Variants in MFSD8 observed in about 807,000 individuals in gnomAD.
MFSD8 encodes major facilitator superfamily domain containing 8, also known as major facilitator superfamily domain-containing protein 8.
In MFSD8, 55 loss-of-function variants were observed where a neutral mutation model predicts 66.4. The ratio of observed to expected loss-of-function variants is 0.83; its 90% CI spans 0.67 to 1.04. The LOEUF (loss-of-function observed/expected upper bound fraction) is 1.04. Among genes scored for constraint, MFSD8 ranks in the 50% least tolerant of loss-of-function variants. The probability of loss-of-function intolerance (pLI) is 0.00; values close to 1 mark genes in which losing one functional copy is unlikely to be tolerated. For missense variants in MFSD8, 550 were observed against 627.6 expected (o/e 0.88, Z 1.32); for synonymous variants, 202 against 212.8 (o/e 0.95, Z 0.44).
chr4:127,952,502 A>G (rs1742161197), intron 2 of MFSD8, among the ~76,000 whole-genome samples: 1 of 152,200 alleles, frequency 6.6e-6, no homozygotes, highest in Admixed American at 6.6e-5. Flanking sequence ...TGAAAGCACC[A>G]ATTAATCTTT....
intron 1 of MFSD8, among the ~76,000 whole-genome samples, chr4:127,959,566 A>G (rs905642096): frequency 6.6e-6 from 1 of 152,174 alleles, no homozygotes; most frequent in Non-Finnish European, 1.5e-5. Context: ...GCTGCAATTA[A>G]GTACTTGGGA....
rs777137519 is a variant in MFSD8 at position 127,947,898 on chromosome 4, A to ACACACACACTCT, written c.198+1905_198+1906insAGAGTGTGTGTG. 9.7e-4 allele frequency among the ~76,000 whole-genome samples: 142 copies of ACACACACACTCT among 146,936 alleles called. 1 individual carries two copies. In the East Asian group the frequency reaches 0.013, roughly 13 times the overall value. On this transcript the variant is annotated intron_variant, in intron 3 of 11. Coordinates refer to ENST00000641686, the MANE Select transcript of MFSD8 (RefSeq NM_001371596.2). ...CACACACACACACACACACACACAC[A>ACACACACACTCT]CTCTCTCTCCAACCTCATAGAAAAA... is the stretch of plus-strand genomic sequence containing the variant.
chr4:127,955,856 C>A (rs1742763325), intron 2 of MFSD8, among the ~76,000 whole-genome samples: 1 of 151,700 alleles, frequency 6.6e-6, no homozygotes, highest in African/African-American at 2.4e-5. Flanking sequence ...GGGTGGCTCA[C>A]GCCTGTAATC....
rs186386674 is a variant in MFSD8 at position 127,924,057 on chromosome 4, G to A, written c.999-2094C>T. On this transcript the variant is annotated intron_variant, in intron 9 of 11. Transcript: ENST00000641686. The stretch of plus-strand genomic sequence containing the variant: ...GGTTTGGCATAGTTACAGAAGGAAT[G>A]GAGTTTCAGAAGGAATGGAAACTTT... 3.1e-3 allele frequency among the ~76,000 whole-genome samples: 476 copies of A among 152,180 alleles called. 4 individuals are homozygous for A. Among genetic ancestry groups the A allele is most frequent in the African/African-American group, 0.011 (453 of 41,520 alleles).
rs775018656 is a variant in MFSD8, at chr4:127,921,710, C to A, written c.1164G>T (p.Lys388Asn). 8 of 1,614,138 alleles carry A rather than the reference C, an allele frequency of 5.0e-6. No homozygotes were observed. In the South Asian group the frequency reaches 7.7e-5, roughly 16 times the overall value. The change falls in exon 11 of 12, where the codon AAG becomes AAT. Residue 388 changes from lysine to asparagine, a missense_variant. Coordinates refer to ENST00000641686, the MANE Select transcript of MFSD8 (RefSeq NM_001371596.2). Reference protein sequence around the residue: ...TFGEIIIGLWKSPMEDDNERP... With the variant: ...TFGEIIIGLWNSPMEDDNERP... Reference sequence around the variant, plus strand: ...TTTCATTGTCATCTTCCATTGGAGACTTCCAAAGACCAATAATAATTTCCC... The same window carrying A: ...TTTCATTGTCATCTTCCATTGGAGAATTCCAAAGACCAATAATAATTTCCC...
At chr4:127,946,350 CT>C (rs1057086556) in intron 3 of MFSD8, among the ~76,000 whole-genome samples, 2 of 152,046 alleles carry the variant, frequency 1.3e-5, no homozygotes, top group Admixed American at 1.3e-4. Context: ...AGAATTTTGA[CT>C]AAAAAGACTA....
chr4:127,920,919 C>G lies in MFSD8; in HGVS notation c.1351-83G>C, dbSNP rs11941857. On this transcript the variant is annotated intron_variant, in intron 11 of 11. Transcript: ENST00000641686. Reference sequence around the variant, plus strand: ...GCAAAGAAATGGTATTACCAAACTACAGCAAACTTACAAGAATCATTTCTG... The same window carrying G: ...GCAAAGAAATGGTATTACCAAACTAGAGCAAACTTACAAGAATCATTTCTG... The G allele has an allele frequency of 5.4e-3, 6,939 of 1,291,192 alleles. 275 individuals are homozygous for G. In the African/African-American group the frequency reaches 0.091, roughly 17 times the overall value. 80.0% of individuals were successfully genotyped at this position (1,291,192 alleles called of 1,614,324 possible). A position where few individuals can be genotyped will look rare whatever the true frequency, so the allele number is the denominator to read the frequency against.
rs1314967038 is a variant in MFSD8 at position 127,957,593 on chromosome 4, C to T, written c.63-1G>A. ...TTCAGTCTCTAAAATGTCCCATTCTCTAGGTGTAAAGAAGAAAAAAGTAGT... is the reference window on the plus strand; with the variant it reads ...TTCAGTCTCTAAAATGTCCCATTCTTTAGGTGTAAAGAAGAAAAAAGTAGT... On this transcript the variant is annotated splice_acceptor_variant, in intron 1 of 11. Coordinates refer to ENST00000641686, the MANE Select transcript of MFSD8 (RefSeq NM_001371596.2). LOFTEE classifies it high-confidence loss of function. 1.9e-6 allele frequency: 3 copies of T among 1,603,956 alleles called. No homozygotes were observed. The highest frequency in any genetic ancestry group is 1.3e-5 in the African/African-American group (1 of 74,728).
chr4:127,935,734 A>G (rs1235105417), intron 7 of MFSD8, among the ~76,000 whole-genome samples: 1 of 152,220 alleles, frequency 6.6e-6, no homozygotes, highest in Non-Finnish European at 1.5e-5. Context: ...TTATTTATCT[A>G]TGCTAATACA....
At chr4:127,964,186 C>T (rs1744465847) in intron 1 of MFSD8, among the ~76,000 whole-genome samples, 1 of 152,250 alleles carries the variant, frequency 6.6e-6, no homozygotes, top group Admixed American at 6.5e-5. Context: ...CAGTGGATCC[C>T]GCACCGGGGC....
chr4:127,929,178 C>T (rs1737696888), intron 9 of MFSD8, among the ~76,000 whole-genome samples: 1 of 151,246 alleles, frequency 6.6e-6, no homozygotes, highest in Non-Finnish European at 1.5e-5. Context: ...AAAAAATTAG[C>T]CAGGTGTGAT....
chr4:127,926,103 G>C (rs1264819969), intron 9 of MFSD8, among the ~76,000 whole-genome samples: 2 of 151,776 alleles, frequency 1.3e-5, no homozygotes, highest in African/African-American at 2.4e-5. Context: ...GGGGCTAGAG[G>C]AGGGATAGCA....
At chr4:127,952,839 C>T (rs1289387458) in intron 2 of MFSD8, among the ~76,000 whole-genome samples, 1 of 127,230 alleles carries the variant, frequency 7.9e-6, no homozygotes, top group African/African-American at 3.1e-5. Flanking sequence ...TACTGCACTT[C>T]AGCCTGGAAG....
In MFSD8 at chr4:127,919,321, T is replaced by C. The variant is rs984660574; in HGVS notation, c.*1309A>G. ...TTCCAAAGTGCTGGGATTACAGGCA[T>C]GAGACACTGCACCCAACCTATAAAG... On this transcript the variant is annotated 3_prime_UTR_variant, in exon 12 of 12. Transcript: ENST00000641686. The C allele has an allele frequency of 1.3e-5, 2 of 152,226 alleles. No homozygotes were observed. Among genetic ancestry groups the C allele is most frequent in the Non-Finnish European group, 2.9e-5 (2 of 68,044 alleles). 9.4% of individuals were successfully genotyped at this position (152,226 alleles called of 1,614,324 possible).
chr4:127,955,462 C>T (rs1742685334), intron 2 of MFSD8, among the ~76,000 whole-genome samples: 1 of 151,124 alleles, frequency 6.6e-6, no homozygotes, highest in South Asian at 2.1e-4. Flanking sequence ...ATTGCTTGAA[C>T]CCCGCAGGCG....
At chr4:127,920,919 C>T (rs11941857) in intron 11 of MFSD8, 83 bp from the exon 12 acceptor site, 1 of 1,291,208 alleles carries the variant, frequency 7.7e-7, no homozygotes, top group Non-Finnish European at 1.1e-6. Context: ...TACCAAACTA[C>T]AGCAAACTTA....
intron 1 of MFSD8, among the ~76,000 whole-genome samples, chr4:127,958,096 C>T (rs1052527155): frequency 6.6e-6 from 1 of 152,140 alleles, no homozygotes; most frequent in African/African-American, 2.4e-5. Context: ...GAAGGTTTAA[C>T]GTAACCTAAG....
At chr4:127,960,788 G>A (rs1743611314) in intron 1 of MFSD8, among the ~76,000 whole-genome samples, 1 of 152,036 alleles carries the variant, frequency 6.6e-6, no homozygotes, top group African/African-American at 2.4e-5. Context: ...TTTGATGACA[G>A]AAAACACCAA....
chr4:127,943,664 A>T, intron 4 of MFSD8, 88 bp downstream of exon 4: 1 of 1,488,596 alleles, frequency 6.7e-7, no homozygotes, highest in Non-Finnish European at 9.3e-7. Flanking sequence ...ATATGAGTTT[A>T]AAAGGGGATG....
Sources: allele counts gnomAD v4.1 joint callset (sites outside exome capture counted in the v4.1 genomes callset), GRCh38; gene constraint gnomAD v4.1.1; transcripts MANE v1.5; gene names NCBI Gene and HGNC (gene_info 2026-07-23, HGNC 2026-07-21).